The following MINAR2 variants were observed in gnomAD, a reference collection of about 807,000 sequenced individuals.
The protein encoded by MINAR2 is major intrinsically disordered NOTCH2-binding receptor 1-like.
A neutral mutation model predicts 16.1 loss-of-function variants in MINAR2; 21 were observed. The observed-to-expected ratio is 1.31, with a 90% confidence interval of 0.93 to 1.88. MINAR2 has a LOEUF of 1.88. Ranked by LOEUF, MINAR2 falls within the 40% of genes most tolerant of loss-of-function variation. The pLI is 0.00. For missense variants in MINAR2, 259 were observed against 229.8 expected (o/e 1.13, Z -0.82); for synonymous variants, 86 against 83.0 (o/e 1.04, Z -0.20).
chr5:129,750,487 A>G (rs1317111045), intron 1 of MINAR2, among the ~76,000 whole-genome samples: 3 of 152,112 alleles, frequency 2.0e-5, no homozygotes, highest in African/African-American at 7.2e-5. Flanking sequence ...TTCACAATAA[A>G]CCAGTTTTAG....
At chr5:129,755,365 C>G (rs1475780112) in intron 1 of MINAR2, among the ~76,000 whole-genome samples, 1 of 151,878 alleles carries the variant, frequency 6.6e-6, no homozygotes. Context: ...GGGGATTGTT[C>G]CTTTTCCTAT....
chr5:129,754,835 T>C (rs1381357865), intron 1 of MINAR2, among the ~76,000 whole-genome samples: 1 of 152,192 alleles, frequency 6.6e-6, no homozygotes, highest in African/African-American at 2.4e-5. Context: ...ATTTCTTTTA[T>C]TTACTTATGT....
chr5:129,759,551 T>C (rs1443899376), intron 1 of MINAR2, among the ~76,000 whole-genome samples: 1 of 152,134 alleles, frequency 6.6e-6, no homozygotes, highest in Non-Finnish European at 1.5e-5. Flanking sequence ...GCACATTATA[T>C]GATTTTATTT....
intron 1 of MINAR2, among the ~76,000 whole-genome samples, chr5:129,751,975 T>C (rs900474356): frequency 1.3e-5 from 2 of 152,048 alleles, no homozygotes; most frequent in Admixed American, 1.3e-4. Context: ...GAAAAAAAGC[T>C]CATCATCACT....
At position 129,765,538 on chromosome 5, in the gene MINAR2, C is replaced by T. The variant is rs117089756; in HGVS notation, c.*475C>T. 6.6e-6 allele frequency: 1 copy of T among 152,512 alleles called. No homozygotes were observed. Among genetic ancestry groups the T allele is most frequent in the African/African-American group, 2.4e-5 (1 of 41,444 alleles). 9.4% of individuals were successfully genotyped at this position (152,512 alleles called of 1,614,324 possible). A position where few individuals can be genotyped will look rare whatever the true frequency, so the allele number is the denominator to read the frequency against. On this transcript the variant is annotated 3_prime_UTR_variant, in exon 3 of 3. Coordinates refer to ENST00000564719, the MANE Select transcript of MINAR2 (RefSeq NM_001257308.2). The stretch of plus-strand genomic sequence containing the variant: ...ACTGCTGGGTAGCTAGGATAAAAAT[C>T]TTCCAGTTGTGCTGCCAACTGAGTT...
chr5:129,750,359 A>T (rs1304324380), intron 1 of MINAR2, among the ~76,000 whole-genome samples: 1 of 152,224 alleles, frequency 6.6e-6, no homozygotes, highest in Non-Finnish European at 1.5e-5. Flanking sequence ...TTGGGCACAC[A>T]TAAGGTGGTG....
intron 1 of MINAR2, among the ~76,000 whole-genome samples, chr5:129,751,961 A>G (rs1172857763): frequency 2.0e-5 from 3 of 152,198 alleles, no homozygotes; most frequent in African/African-American, 7.2e-5. Flanking sequence ...CAGCCAACAA[A>G]CGTGAAAAAA....
At chr5:129,750,479 C>CTTATCTCAA (rs1217042666) in intron 1 of MINAR2, among the ~76,000 whole-genome samples, 1 of 152,152 alleles carries the variant, frequency 6.6e-6, no homozygotes, top group Admixed American at 6.5e-5. Flanking sequence ...ATCTCAAATT[C>CTTATCTCAA]ACAATAAACC....
chr5:129,749,854 A>G (rs1366425773), intron 1 of MINAR2, among the ~76,000 whole-genome samples: 2 of 152,182 alleles, frequency 1.3e-5, no homozygotes, highest in African/African-American at 4.8e-5. Context: ...TGAAATGCAA[A>G]TTTTTAAAAG....
At position 129,753,931 on chromosome 5, in the gene MINAR2, G is replaced by T. The variant is rs115282864; in HGVS notation, c.165+5576G>T. ...TGGATGACAATGTGGTACTTTGCAG[G>T]TGCTTATATTATCTACGAAGTAGAT... On this transcript the variant is annotated intron_variant, in intron 1 of 2. Coordinates refer to ENST00000564719, the MANE Select transcript of MINAR2 (RefSeq NM_001257308.2). Among the ~76,000 whole-genome samples the T allele has an allele frequency of 3.9e-3, 601 of 152,194 alleles. 4 individuals are homozygous for T. The highest frequency in any genetic ancestry group is 0.014 in the African/African-American group (577 of 41,534).
intron 1 of MINAR2, among the ~76,000 whole-genome samples, chr5:129,750,553 G>A (rs901480940): frequency 1.3e-5 from 2 of 152,182 alleles, no homozygotes; most frequent in Non-Finnish European, 2.9e-5. Flanking sequence ...GCAGTATTAG[G>A]ATAATATTTA....
In MINAR2 at chr5:129,748,288, G is replaced by C. The variant is rs781212843; in HGVS notation, c.98G>C (p.Ser33Thr). The C allele has an allele frequency of 8.5e-6, 13 of 1,535,264 alleles. No individual in the cohort carries two copies. In the Middle Eastern group the frequency reaches 5.0e-4, roughly 59 times the overall value. ...LTRSSALLQA[S>T]LVRFPGGNYP... Reference sequence around the variant, plus strand: ...AGGAGCTCAGCCCTCCTTCAGGCCAGCCTGGTGAGGTTTCCGGGTGGAAAT... The same window carrying C: ...AGGAGCTCAGCCCTCCTTCAGGCCACCCTGGTGAGGTTTCCGGGTGGAAAT... Residue 33 changes from serine (S) to threonine (T), a missense_variant, in exon 1 of 3, where the codon AGC (serine) becomes ACC (threonine). Coordinates refer to ENST00000564719, the MANE Select transcript of MINAR2 (RefSeq NM_001257308.2).
At chr5:129,756,797 A>T (rs1758059222) in intron 1 of MINAR2, among the ~76,000 whole-genome samples, 1 of 151,654 alleles carries the variant, frequency 6.6e-6, no homozygotes, top group Non-Finnish European at 1.5e-5. Flanking sequence ...AACTTTATTC[A>T]TTTTCTAGAA....
rs941577674 is a variant in MINAR2 at position 129,765,481 on chromosome 5, A to G, written c.*418A>G. The G allele has an allele frequency of 6.5e-6, 1 of 154,200 alleles. No homozygotes were observed. The highest frequency in any genetic ancestry group is 1.4e-5 in the Non-Finnish European group (1 of 69,536). 9.6% of individuals were successfully genotyped at this position (154,200 alleles called of 1,614,324 possible). A position where few individuals can be genotyped will look rare whatever the true frequency, so the allele number is the denominator to read the frequency against. The stretch of plus-strand genomic sequence containing the variant: ...ACCTCATCCTCCTGTGATCACCAGA[A>G]AAGTTTGAGCTGATAATTTTTTTTT... On this transcript the variant is annotated 3_prime_UTR_variant, in exon 3 of 3. Coordinates refer to ENST00000564719, the MANE Select transcript of MINAR2 (RefSeq NM_001257308.2).
intron 1 of MINAR2, among the ~76,000 whole-genome samples, chr5:129,758,437 G>GCACTA (rs1758083000): frequency 6.6e-6 from 1 of 151,944 alleles, no homozygotes; most frequent in Non-Finnish European, 1.5e-5. Flanking sequence ...AAAATAAATA[G>GCACTA]CACTATGCTC....
chr5:129,765,562 T>A lies in MINAR2; in HGVS notation c.*499T>A, dbSNP rs1283393683. Reference sequence around the variant, plus strand: ...TCTTCCAGTTGTGCTGCCAACTGAGTTAGATTCATTCTCTGTTTTATTTTC... The same window carrying A: ...TCTTCCAGTTGTGCTGCCAACTGAGATAGATTCATTCTCTGTTTTATTTTC... On this transcript the variant is annotated 3_prime_UTR_variant, in exon 3 of 3. Coordinates refer to ENST00000564719, the MANE Select transcript of MINAR2 (RefSeq NM_001257308.2). The A allele has an allele frequency of 2.0e-5, 3 of 152,318 alleles. No homozygotes were observed. The highest frequency in any genetic ancestry group is 7.2e-5 in the African/African-American group (3 of 41,430). The allele number at this position is 152,318 out of a possible 1,614,324, so 9.4% of individuals were successfully genotyped here.
chr5:129,748,877 C>G (rs890372683), intron 1 of MINAR2, among the ~76,000 whole-genome samples: 2 of 152,144 alleles, frequency 1.3e-5, no homozygotes, highest in African/African-American at 2.4e-5. Context: ...GGAAAAAATA[C>G]AGCGAACTCG....
At chr5:129,756,950 A>C (rs953228220) in intron 1 of MINAR2, among the ~76,000 whole-genome samples, 14 of 148,606 alleles carry the variant, frequency 9.4e-5, no homozygotes, top group African/African-American at 2.5e-4. Flanking sequence ...AAAAAAAAAA[A>C]AAAAAAAACA....
chr5:129,757,476 A>T (rs1169748116), intron 1 of MINAR2, among the ~76,000 whole-genome samples: 1 of 151,940 alleles, frequency 6.6e-6, no homozygotes, highest in Non-Finnish European at 1.5e-5. Flanking sequence ...CATTTTTTGA[A>T]ATCTGATCTG....
Sources: allele counts gnomAD v4.1 joint callset (sites outside exome capture counted in the v4.1 genomes callset), GRCh38; gene constraint gnomAD v4.1.1; transcripts MANE v1.5; gene names NCBI Gene and HGNC (gene_info 2026-07-23, HGNC 2026-07-21).